The following KCNIP1 variants were observed in gnomAD, a reference collection of about 807,000 sequenced individuals.
The protein encoded by KCNIP1 is A-type potassium channel modulatory protein KCNIP1.
In KCNIP1, 18 loss-of-function variants were observed where a neutral mutation model predicts 33.0. The observed-to-expected ratio is 0.55, with a 90% CI of 0.38 to 0.81. The LOEUF is 0.81. Among genes scored for constraint, KCNIP1 ranks in the 30% least tolerant of loss-of-function variants. The pLI, the probability that KCNIP1 is intolerant of heterozygous loss-of-function variation, is 0.00. For synonymous variants in KCNIP1, 93 were observed against 98.3 expected (o/e 0.95, Z 0.32); for missense variants, 238 against 271.6 (o/e 0.88, Z 0.87).
chr5:170,562,281 G>T (rs1360563892), intron 1 of KCNIP1, among the ~76,000 whole-genome samples: 1 of 152,130 alleles, frequency 6.6e-6, no homozygotes, highest in Non-Finnish European at 1.5e-5. Flanking sequence ...CAAGTGTGGA[G>T]CCAGGAGGGA....
At chr5:170,658,481 A>G (rs1351432977) in intron 1 of KCNIP1, among the ~76,000 whole-genome samples, 1 of 152,192 alleles carries the variant, frequency 6.6e-6, no homozygotes, top group African/African-American at 2.4e-5. Flanking sequence ...CACATTGGAG[A>G]TTGAGTTTCA....
intron 1 of KCNIP1, among the ~76,000 whole-genome samples, chr5:170,470,143 T>A (rs1756690782): frequency 6.6e-6 from 1 of 152,188 alleles, no homozygotes. Context: ...TTCAGGCCTC[T>A]GCACTTTCAC....
intron 1 of KCNIP1, among the ~76,000 whole-genome samples, chr5:170,387,759 C>T (rs990974307): frequency 2.6e-5 from 4 of 152,252 alleles, no homozygotes; most frequent in Admixed American, 2.6e-4. Flanking sequence ...TTGAACAAGA[C>T]TCTCCATGTA....
At chr5:170,633,271 C>G (rs989193571) in intron 1 of KCNIP1, among the ~76,000 whole-genome samples, 2 of 151,730 alleles carry the variant, frequency 1.3e-5, no homozygotes, top group African/African-American at 2.4e-5. Flanking sequence ...AGGAGGGGAC[C>G]GCGAGAGCGA....
At chr5:170,676,529 G>A (rs541982190) in intron 1 of KCNIP1, among the ~76,000 whole-genome samples, 2 of 152,192 alleles carry the variant, frequency 1.3e-5, no homozygotes, top group Non-Finnish European at 2.9e-5. Context: ...AAAACTTCAA[G>A]TGCAATTATT....
intron 1 of KCNIP1, among the ~76,000 whole-genome samples, chr5:170,494,945 A>G (rs1047658571): frequency 6.6e-6 from 1 of 152,222 alleles, no homozygotes. Context: ...AAATGGAGAA[A>G]AGAGAAGTAC....
intron 1 of KCNIP1, among the ~76,000 whole-genome samples, chr5:170,687,944 T>C (rs1419737979): frequency 6.6e-6 from 1 of 152,124 alleles, no homozygotes; most frequent in African/African-American, 2.4e-5. Flanking sequence ...CAAAGGGAGA[T>C]ACAAAATAAC....
intron 1 of KCNIP1, among the ~76,000 whole-genome samples, chr5:170,643,572 AG>A (rs1354410132): frequency 6.6e-6 from 1 of 152,234 alleles, no homozygotes; most frequent in Non-Finnish European, 1.5e-5. Flanking sequence ...GATGCATAAT[AG>A]GTGCCCAGGA....
chr5:170,375,832 T>C (rs1763976330), intron 1 of KCNIP1: 1 of 152,246 alleles, frequency 6.6e-6, no homozygotes, highest in African/African-American at 2.4e-5. Flanking sequence ...GCCAAAACTC[T>C]ATGGAAAGAT....
At chr5:170,527,166 C>T (rs1282176990) in intron 1 of KCNIP1, among the ~76,000 whole-genome samples, 1 of 152,204 alleles carries the variant, frequency 6.6e-6, no homozygotes, top group Non-Finnish European at 1.5e-5. Context: ...TAAGCAGCCC[C>T]AGCATGGAGC....
Position 170,716,546 on chromosome 5 carries a change from A to G in KCNIP1, c.62-2212A>G, listed in dbSNP as rs544407615. Among the ~76,000 whole-genome samples the G allele has an allele frequency of 3.3e-5, 5 of 152,326 alleles. No individual in the cohort carries two copies. In the South Asian group the frequency reaches 1.0e-3, roughly 32 times the overall value. On this transcript the variant is annotated intron_variant, in intron 1 of 7. Coordinates refer to ENST00000328939, the MANE Select transcript of KCNIP1 (RefSeq NM_014592.4). ...TAGCCAATGATGAAAACGAAAAACAAAACAAAAGCTTGGCAGTCAGTATCC... is the reference window on the plus strand; with the variant it reads ...TAGCCAATGATGAAAACGAAAAACAGAACAAAAGCTTGGCAGTCAGTATCC...
At chr5:170,372,617 G>A (rs1763875403) in intron 1 of KCNIP1, among the ~76,000 whole-genome samples, 1 of 151,968 alleles carries the variant, frequency 6.6e-6, no homozygotes, top group Non-Finnish European at 1.5e-5. Context: ...AAGGACCTCT[G>A]TACCAAAGAC....
At chr5:170,381,399 C>A (rs1176007740) in intron 1 of KCNIP1, among the ~76,000 whole-genome samples, 7 of 152,246 alleles carry the variant, frequency 4.6e-5, no homozygotes, top group Admixed American at 1.3e-4. Flanking sequence ...TGAGGGCAGA[C>A]TATGGCCCCT....
At chr5:170,720,526 A>T in intron 3 of KCNIP1, 136 bp downstream of exon 3, 1 of 701,938 alleles carries the variant, frequency 1.4e-6, no homozygotes, top group East Asian at 2.7e-5. Context: ...CACCTCCCTC[A>T]TCGTGAGAGG....
intron 1 of KCNIP1, among the ~76,000 whole-genome samples, chr5:170,531,624 C>G (rs1021370837): frequency 1.3e-5 from 2 of 152,214 alleles, no homozygotes. Flanking sequence ...AAGCCTGCTC[C>G]TAATGAGGAC....
intron 1 of KCNIP1, among the ~76,000 whole-genome samples, chr5:170,659,868 G>A (rs1396095893): frequency 6.6e-6 from 1 of 152,130 alleles, no homozygotes; most frequent in Non-Finnish European, 1.5e-5. Context: ...GATCTCCATC[G>A]TTCATCTCCT....
intron 1 of KCNIP1, among the ~76,000 whole-genome samples, chr5:170,479,859 T>G (rs551780919): frequency 6.6e-6 from 1 of 152,246 alleles, no homozygotes; most frequent in Non-Finnish European, 1.5e-5. Flanking sequence ...ACAATATTCC[T>G]CTTGACATTC....
intron 7 of KCNIP1, among the ~76,000 whole-genome samples, chr5:170,734,748 C>T (rs1764322001): frequency 6.6e-6 from 1 of 152,218 alleles, no homozygotes; most frequent in Non-Finnish European, 1.5e-5. Flanking sequence ...GAGCCCCCAT[C>T]AAGTTTCAAG....
Position 170,548,565 on chromosome 5 carries a change from CACAT to C in KCNIP1, c.61+43934_61+43937del, listed in dbSNP as rs1416096088. ...CAGACCACAAACCCATGTGAGAGCT[CACAT>C]ATGGTTACAAATTCTTGAAGAAAAT... On this transcript the variant is annotated intron_variant, in intron 1 of 7. Coordinates refer to ENST00000328939, the MANE Select transcript of KCNIP1 (RefSeq NM_014592.4). Among the ~76,000 whole-genome samples the C allele has an allele frequency of 2.0e-5, 3 of 152,306 alleles. No individual in the cohort carries two copies. In the East Asian group the frequency reaches 5.8e-4, roughly 29 times the overall value.
Sources: gnomAD v4.1 joint callset for allele counts (sites outside exome capture counted in the v4.1 genomes callset) on GRCh38, gnomAD v4.1.1 for gene constraint, MANE v1.5 for transcripts, NCBI Gene and HGNC (gene_info 2026-07-23, HGNC 2026-07-21) for gene names.